The following COL5A2 variants were observed in gnomAD, a reference collection of about 807,000 sequenced individuals.
The protein encoded by COL5A2 is collagen alpha-2(V) chain.
In COL5A2, 23 loss-of-function variants were observed where a neutral mutation model predicts 208.2. That is an observed-to-expected ratio of 0.11 (90% CI 0.08 to 0.16). COL5A2 has a LOEUF of 0.16. COL5A2 is among the 10% of genes least tolerant of loss of function. The pLI, the probability that COL5A2 is intolerant of heterozygous loss-of-function variation, is 1.00. For synonymous variants in COL5A2, 625 were observed against 628.5 expected (o/e 0.99, Z 0.08); for missense variants, 1,590 against 1,956.4 (o/e 0.81, Z 3.53).
chr2:189,433,113 A>G, the COL5A2 span, among the ~76,000 whole-genome samples: 1 of 152,234 alleles, frequency 6.6e-6, no homozygotes, highest in African/African-American at 2.4e-5. Context: ...TGCAGAAATA[A>G]AGATGTTCTT....
At chr2:189,043,046 A>C (rs1189859499) in intron 48 of COL5A2, 105 bp downstream of exon 48, 2 of 876,310 alleles carry the variant, frequency 2.3e-6, no homozygotes, top group Non-Finnish European at 3.8e-6. Context: ...ACTGAAAATA[A>C]GATACAAACA....
the COL5A2 span, among the ~76,000 whole-genome samples, chr2:189,285,316 C>CT: frequency 6.6e-6 from 1 of 152,010 alleles, no homozygotes; most frequent in Non-Finnish European, 1.5e-5. Flanking sequence ...AATCACAACT[C>CT]TATTTTACCT....
chr2:189,124,387 A>T (rs1327585386), intron 1 of COL5A2, among the ~76,000 whole-genome samples: 1 of 152,146 alleles, frequency 6.6e-6, no homozygotes, highest in Non-Finnish European at 1.5e-5. Context: ...TATTTTAATG[A>T]GTAGGGATAG....
chr2:189,172,968 CTTTTTTT>C (rs11286911), intron 1 of COL5A2, among the ~76,000 whole-genome samples: 1 of 96,528 alleles, frequency 1.0e-5, no homozygotes, highest in Non-Finnish European at 2.1e-5. Context: ...TTTTCCTCTT[CTTTTTTT>C]TTTTTTTTTT....
intron 1 of COL5A2, among the ~76,000 whole-genome samples, chr2:189,164,894 T>A (rs1688437269): frequency 6.6e-6 from 1 of 152,204 alleles, no homozygotes. Context: ...CTGGACTCTA[T>A]CCACGTTGAG....
chr2:189,259,109 G>T, the COL5A2 span, among the ~76,000 whole-genome samples: 1 of 152,190 alleles, frequency 6.6e-6, no homozygotes, highest in East Asian at 1.9e-4. Context: ...GAGTAGGAAA[G>T]AAGTCAATCG....
the COL5A2 span, among the ~76,000 whole-genome samples, chr2:189,404,232 AT>A: frequency 1.3e-5 from 2 of 152,110 alleles, no homozygotes; most frequent in African/African-American, 4.8e-5. Context: ...AGAGATTAGC[AT>A]TTGAATCAGA....
intron 35 of COL5A2, among the ~76,000 whole-genome samples, chr2:189,054,771 G>A (rs1238693535): frequency 7.1e-6 from 1 of 141,694 alleles, no homozygotes; most frequent in Non-Finnish European, 1.5e-5. Flanking sequence ...TCACAGATGT[G>A]ATCACAGCAC....
chr2:189,430,170 T>C, the COL5A2 span, among the ~76,000 whole-genome samples: 1 of 152,200 alleles, frequency 6.6e-6, no homozygotes, highest in Non-Finnish European at 1.5e-5. Flanking sequence ...GTTTAGGGAA[T>C]ATCTTGATTA....
the COL5A2 span, among the ~76,000 whole-genome samples, chr2:189,414,216 G>A: frequency 2.6e-5 from 4 of 152,098 alleles, no homozygotes; most frequent in African/African-American, 9.7e-5. Context: ...CTTCGCAAGT[G>A]TAAAATCAAA....
At chr2:189,262,182 T>A in the COL5A2 span, among the ~76,000 whole-genome samples, 2 of 152,110 alleles carry the variant, frequency 1.3e-5, no homozygotes, top group Non-Finnish European at 2.9e-5. Flanking sequence ...TTCATTCCTT[T>A]AGAGTTGTTC....
At chr2:189,191,140 T>TAAAAAAAAAAAAA in intron 1 of COL5A2, among the ~76,000 whole-genome samples, 1 of 118,898 alleles carries the variant, frequency 8.4e-6, no homozygotes, top group Non-Finnish European at 1.7e-5. Context: ...AGGGAAACCA[T>TAAAAAAAAAAAAA]AAAAAAAAAA....
intron 1 of COL5A2, among the ~76,000 whole-genome samples, chr2:189,111,556 G>A (rs569451202): frequency 4.1e-5 from 6 of 147,588 alleles, no homozygotes; most frequent in African/African-American, 1.2e-4. Flanking sequence ...TCATCTCCCC[G>A]CGAAATTCTT....
intron 33 of COL5A2, 57 bp downstream of exon 33, chr2:189,058,372 T>C: frequency 1.5e-6 from 2 of 1,301,558 alleles, no homozygotes; most frequent in South Asian, 1.2e-5. Flanking sequence ...CCATCATGCG[T>C]TTATTAAGCA....
At chr2:189,269,496 CAT>C in the COL5A2 span, among the ~76,000 whole-genome samples, 2 of 152,170 alleles carry the variant, frequency 1.3e-5, no homozygotes, top group East Asian at 1.9e-4. Context: ...TTGAGATAAT[CAT>C]GTGGTTTTTG....
intron 1 of COL5A2, among the ~76,000 whole-genome samples, chr2:189,214,939 T>A (rs1179142351): frequency 6.6e-6 from 1 of 152,224 alleles, no homozygotes; most frequent in East Asian, 1.9e-4. Flanking sequence ...TATTTTCCTA[T>A]GTAATTTTAT....
the COL5A2 span, among the ~76,000 whole-genome samples, chr2:189,324,213 T>A: frequency 6.6e-6 from 1 of 152,146 alleles, no homozygotes; most frequent in South Asian, 2.1e-4. Flanking sequence ...ATAAAAACCC[T>A]AGAAGAAAAT....
chr2:189,179,121 C>G (rs1052211819), intron 1 of COL5A2, among the ~76,000 whole-genome samples: 7 of 152,116 alleles, frequency 4.6e-5, no homozygotes, highest in African/African-American at 1.7e-4. Context: ...TCCACCCTAC[C>G]CAGCTTCTGC....
the COL5A2 span, among the ~76,000 whole-genome samples, chr2:189,283,478 C>T: frequency 6.6e-6 from 1 of 151,956 alleles, no homozygotes. Context: ...AACAATTCTA[C>T]AGGACATCTG....
Sources: allele counts gnomAD v4.1 joint callset (sites outside exome capture counted in the v4.1 genomes callset), GRCh38; gene constraint gnomAD v4.1.1; transcripts MANE v1.5; gene names NCBI Gene and HGNC (gene_info 2026-07-23, HGNC 2026-07-21).